Variants in LEPROT observed in about 807,000 individuals in gnomAD.
LEPROT encodes the protein leptin receptor overlapping transcript, also known as leptin receptor gene-related protein.
In LEPROT, 3 loss-of-function variants were observed where a neutral mutation model predicts 15.4. The ratio of observed to expected loss-of-function variants is 0.19; its 90% CI spans 0.09 to 0.50. LEPROT has a LOEUF of 0.50. Among genes scored for constraint, LEPROT ranks in the 20% least tolerant of loss-of-function variants. The probability of loss-of-function intolerance (pLI) is 0.97; values close to 1 mark genes in which losing one functional copy is unlikely to be tolerated. For missense variants in LEPROT, 137 were observed against 162.2 expected, an observed-to-expected ratio of 0.84 and a Z score of 0.84; for synonymous variants, 59 against 57.5, an observed-to-expected ratio of 1.03 and a Z score of -0.12.
In LEPROT at chr1:65,420,717, C is replaced by T. The variant is rs189950527; in HGVS notation, c.-8C>T. On this transcript the variant is annotated 5_prime_UTR_variant, in exon 1 of 4. Coordinates refer to ENST00000371065, the MANE Select transcript of LEPROT (RefSeq NM_017526.5). ...GCCGGAAGCAGCCGCGGCCCCAGTTCGGGAGACATGGCGGGCGTTAAAGGT... is the reference window on the plus strand; with the variant it reads ...GCCGGAAGCAGCCGCGGCCCCAGTTTGGGAGACATGGCGGGCGTTAAAGGT... 462 of 1,583,294 alleles carry T rather than the reference C, an allele frequency of 2.9e-4. 3 individuals are homozygous for T. The East Asian group carries it at 0.01, about 35-fold the overall frequency.
chr1:65,425,336 G>A lies in LEPROT; in HGVS notation c.50G>A (p.Gly17Glu), dbSNP rs762317159. The change falls in exon 2 of 4, where the codon GGA becomes GAA. Residue 17 changes from glycine (G) to glutamate (E), a missense_variant. Physicochemically the swap from Gly to Glu is moderately conservative, Grantham distance 98. Coordinates refer to ENST00000371065, the MANE Select transcript of LEPROT (RefSeq NM_017526.5). ...LVALSFSGAI[G>E]LTFLMLGCAL... is the part of the protein sequence containing the mutation. ...GCATTATCCTTCAGTGGGGCTATTGGACTGACTTTTCTTATGCTGGGATGT... is the reference window on the plus strand; with the variant it reads ...GCATTATCCTTCAGTGGGGCTATTGAACTGACTTTTCTTATGCTGGGATGT... 6.2e-7 allele frequency: 1 copy of A among 1,607,836 alleles called. No homozygotes were observed. Among genetic ancestry groups the A allele is most frequent in the Non-Finnish European group, 8.5e-7 (1 of 1,178,672 alleles).
Position 65,433,866 on chromosome 1 carries a change from G to T in LEPROT, c.*1947G>T, listed in dbSNP as rs887810180. On this transcript the variant is annotated 3_prime_UTR_variant, in exon 4 of 4. Transcript: ENST00000371065. ...GCCTGAAAAGATAACAAAAATGAGAGAATTTCTTGATGTTTTAAAATGGGC... is the reference window on the plus strand; with the variant it reads ...GCCTGAAAAGATAACAAAAATGAGATAATTTCTTGATGTTTTAAAATGGGC... The T allele has an allele frequency of 8.1e-6, 8 of 985,138 alleles. No individual in the cohort carries two copies. The highest frequency in any genetic ancestry group is 8.4e-6 in the Non-Finnish European group (7 of 829,856). The allele number at this position is 985,138 out of a possible 1,614,324, so 61.0% of individuals were successfully genotyped here.
rs961840898 is a variant in LEPROT at position 65,433,074 on chromosome 1, CAGCCCCTGCGTT to C, written c.*1159_*1170del. ...GCGGGCAGGGAGGCTGGGCTCGAGC[CAGCCCCTGCGTT>C]AGCAGGAGGGGGAGAACAGATAGGT... On this transcript the variant is annotated 3_prime_UTR_variant, in exon 4 of 4. Transcript: ENST00000371065. 6 of 985,228 alleles carry C rather than the reference CAGCCCCTGCGTT, an allele frequency of 6.1e-6. No individual in the cohort carries two copies. In the African/African-American group the frequency reaches 1.0e-4, roughly 17 times the overall value. 61.0% of individuals were successfully genotyped at this position (985,228 alleles called of 1,614,324 possible). A position where few individuals can be genotyped will look rare whatever the true frequency, so the allele number is the denominator to read the frequency against.
At chr1:65,426,867 A>T (rs528974560) in intron 2 of LEPROT, among the ~76,000 whole-genome samples, 1 of 152,072 alleles carries the variant, frequency 6.6e-6, no homozygotes, top group Non-Finnish European at 1.5e-5. Context: ...GCGTGGTGGC[A>T]CACGCCTGTA....
In LEPROT at chr1:65,420,679, G is replaced by T; in HGVS notation, c.-46G>T. ...GGTCTGGCTTGGGCAGGCTGCCCGGGCCGTGGCAGGAAGCCGGAAGCAGCC... is the reference window on the plus strand; with the variant it reads ...GGTCTGGCTTGGGCAGGCTGCCCGGTCCGTGGCAGGAAGCCGGAAGCAGCC... On this transcript the variant is annotated 5_prime_UTR_variant, in exon 1 of 4. Transcript: ENST00000371065. 1 of 1,565,090 alleles carries T rather than the reference G, an allele frequency of 6.4e-7. No homozygotes were observed. Among genetic ancestry groups the T allele is most frequent in the Non-Finnish European group, 8.6e-7 (1 of 1,156,644 alleles).
chr1:65,420,745 A>G lies in LEPROT; in HGVS notation c.16+5A>G. ...GAGACATGGCGGGCGTTAAAGGTAC[A>G]TCGCGGTCCCCGGCTCGCTTGTCGT... is the stretch of plus-strand genomic sequence containing the variant. On this transcript the variant is annotated splice_donor_5th_base_variant and intron_variant, in intron 1 of 3. Transcript: ENST00000371065. The G allele has an allele frequency of 6.3e-7, 1 of 1,581,432 alleles. No individual in the cohort carries two copies. Among genetic ancestry groups the G allele is most frequent in the South Asian group, 1.2e-5 (1 of 86,386 alleles).
chr1:65,425,418 G>A (rs1402528190), intron 2 of LEPROT, 40 bp downstream of exon 2: 2 of 1,542,944 alleles, frequency 1.3e-6, no homozygotes, highest in Non-Finnish European at 1.8e-6. Context: ...CTCTTTCTGT[G>A]TCTTTGTCAC....
intron 1 of LEPROT, among the ~76,000 whole-genome samples, chr1:65,420,992 C>T (rs1646236551): frequency 6.6e-6 from 1 of 152,204 alleles, no homozygotes; most frequent in Non-Finnish European, 1.5e-5. Flanking sequence ...CCAGACCCCT[C>T]CCCAGCCTGA....
chr1:65,426,612 C>T (rs571481709), intron 2 of LEPROT, among the ~76,000 whole-genome samples: 1 of 152,196 alleles, frequency 6.6e-6, no homozygotes, highest in East Asian at 1.9e-4. Flanking sequence ...ACCAAACCAA[C>T]CAACAGGTTT....
chr1:65,427,305 G>A (rs1297608349), intron 2 of LEPROT, among the ~76,000 whole-genome samples: 1 of 152,166 alleles, frequency 6.6e-6, no homozygotes, highest in Non-Finnish European at 1.5e-5. Flanking sequence ...CGGCCGTGGT[G>A]GCTCATGCCT....
intron 1 of LEPROT, among the ~76,000 whole-genome samples, chr1:65,423,960 T>C (rs767140271): frequency 2.6e-5 from 4 of 152,218 alleles, no homozygotes; most frequent in African/African-American, 4.8e-5. Context: ...ACATAGATTA[T>C]CTCATTTAAT....
rs1646521940 is a variant in LEPROT, at chr1:65,433,860, A to C, written c.*1941A>C. The C allele has an allele frequency of 1.0e-6, 1 of 985,372 alleles. No individual in the cohort carries two copies. Among genetic ancestry groups the C allele is most frequent in the Admixed American group, 6.1e-5 (1 of 16,284 alleles). The allele number at this position is 985,372 out of a possible 1,614,324, so 61.0% of individuals were successfully genotyped here. A position where few individuals can be genotyped will look rare whatever the true frequency, so the allele number is the denominator to read the frequency against. On this transcript the variant is annotated 3_prime_UTR_variant, in exon 4 of 4. Transcript: ENST00000371065. ...TGCCTTGCCTGAAAAGATAACAAAA[A>C]TGAGAGAATTTCTTGATGTTTTAAA...
chr1:65,431,766 G>C (rs1646487671), intron 3 of LEPROT, 37 bp from the exon 4 acceptor site: 1 of 1,597,198 alleles, frequency 6.3e-7, no homozygotes. Context: ...CAATATGAAG[G>C]AAGTAAGGAT....
At chr1:65,427,401 C>A (rs1479894636) in intron 2 of LEPROT, among the ~76,000 whole-genome samples, 2 of 151,986 alleles carry the variant, frequency 1.3e-5, no homozygotes, top group African/African-American at 4.8e-5. Context: ...AAGTGAGACC[C>A]CATTCTACAA....
Position 65,435,651 on chromosome 1 carries a change from G to A in LEPROT, c.*3732G>A, listed in dbSNP as rs370266530. 79 of 984,542 alleles carry A rather than the reference G, an allele frequency of 8.0e-5. No individual in the cohort carries two copies. In the African/African-American group the frequency reaches 1.3e-3, roughly 16 times the overall value. The allele number at this position is 984,542 out of a possible 1,614,324, so 61.0% of individuals were successfully genotyped here. Reference sequence around the variant, plus strand: ...CAAAGTGCTGGGATTACAGGCCTGAGCCACTGTGCCCAGCCAAAATGTGCC... The same window carrying A: ...CAAAGTGCTGGGATTACAGGCCTGAACCACTGTGCCCAGCCAAAATGTGCC... On this transcript the variant is annotated 3_prime_UTR_variant, in exon 4 of 4. Coordinates refer to ENST00000371065, the MANE Select transcript of LEPROT (RefSeq NM_017526.5).
In LEPROT at chr1:65,425,350, A is replaced by G. The variant is rs761251221; in HGVS notation, c.64A>G (p.Met22Val). ...FSGAIGLTFL[M>V]LGCALEDYGV... ...TGGGGCTATTGGACTGACTTTTCTT[A>G]TGCTGGGATGTGCCTTAGAGGATTA... The change falls in exon 2 of 4, where the codon ATG becomes GTG. Residue 22 changes from methionine to valine, a missense_variant. Transcript: ENST00000371065. 4 of 1,606,320 alleles carry G rather than the reference A, an allele frequency of 2.5e-6. No homozygotes were observed. The highest frequency in any genetic ancestry group is 2.2e-5 in the South Asian group (2 of 89,252).
chr1:65,434,299 AT>A lies in LEPROT; in HGVS notation c.*2387del. 1 of 984,148 alleles carries A rather than the reference AT, an allele frequency of 1.0e-6. No homozygotes were observed. The allele number at this position is 984,148 out of a possible 1,614,324, so 61.0% of individuals were successfully genotyped here. On this transcript the variant is annotated 3_prime_UTR_variant, in exon 4 of 4. Coordinates refer to ENST00000371065, the MANE Select transcript of LEPROT (RefSeq NM_017526.5). Reference sequence around the variant, plus strand: ...GATCATGGTGACACAAATGTTGGACATTTTTTTCCTTATAAAAGGCTCTTTT... The same window carrying A: ...GATCATGGTGACACAAATGTTGGACATTTTTTCCTTATAAAAGGCTCTTTT...
In LEPROT at chr1:65,434,387, A is replaced by G. The variant is rs1646529755; in HGVS notation, c.*2468A>G. 1 of 985,304 alleles carries G rather than the reference A, an allele frequency of 1.0e-6. No individual in the cohort carries two copies. Among genetic ancestry groups the G allele is most frequent in the African/African-American group, 1.7e-5 (1 of 57,226 alleles). 61.0% of individuals were successfully genotyped at this position (985,304 alleles called of 1,614,324 possible). On this transcript the variant is annotated 3_prime_UTR_variant, in exon 4 of 4. Transcript: ENST00000371065. ...ATAGTGACTATAGTCGAAAACTGAGATTGCACTTCCAAAATTGGCCACAAG... is the reference window on the plus strand; with the variant it reads ...ATAGTGACTATAGTCGAAAACTGAGGTTGCACTTCCAAAATTGGCCACAAG...
At position 65,434,701 on chromosome 1, in the gene LEPROT, C is replaced by T. The variant is rs867440537; in HGVS notation, c.*2782C>T. ...TCTTTCTCCTTTTAATTTTTCCACT[C>T]ATTTTCACCTCCTAATGCCCTTGAG... is the stretch of plus-strand genomic sequence containing the variant. On this transcript the variant is annotated 3_prime_UTR_variant, in exon 4 of 4. Transcript: ENST00000371065. 2.2e-5 allele frequency: 22 copies of T among 985,460 alleles called. No homozygotes were observed. The African/African-American group carries it at 2.8e-4, about 12-fold the overall frequency. 61.0% of individuals were successfully genotyped at this position (985,460 alleles called of 1,614,324 possible).
Sources: allele counts gnomAD v4.1 joint callset (sites outside exome capture counted in the v4.1 genomes callset), GRCh38; gene constraint gnomAD v4.1.1; transcripts MANE v1.5; gene names NCBI Gene and HGNC (gene_info 2026-07-23, HGNC 2026-07-21).